Variants in DCC observed in about 807,000 individuals in gnomAD.
DCC encodes netrin receptor DCC.
In DCC, 58 loss-of-function variants were observed where a neutral mutation model predicts 172.5. The observed-to-expected ratio is 0.34, with a 90% CI of 0.27 to 0.42. The LOEUF (loss-of-function observed/expected upper bound fraction) is 0.42. Ranked by LOEUF, DCC falls within the 10% of genes least tolerant of loss-of-function variation. DCC has a pLI of 1.00. For missense variants in DCC, 1,740 were observed against 1,791.0 expected (o/e 0.97, Z 0.51); for synonymous variants, 709 against 644.5 (o/e 1.10, Z -1.52).
intron 1 of DCC, among the ~76,000 whole-genome samples, chr18:52,592,962 T>A (rs1183513721): frequency 6.6e-6 from 1 of 152,128 alleles, no homozygotes; most frequent in Non-Finnish European, 1.5e-5. Flanking sequence ...TAAAGGTCAA[T>A]TTTACTTCCA....
At chr18:52,703,019 A>G (rs555019079) in intron 1 of DCC, among the ~76,000 whole-genome samples, 15 of 152,332 alleles carry the variant, frequency 9.8e-5, no homozygotes, top group African/African-American at 3.6e-4. Flanking sequence ...AACTCCAAAC[A>G]TAGACACTTC....
chr18:52,855,301 G>A (rs1461668019), intron 2 of DCC, among the ~76,000 whole-genome samples: 2 of 152,184 alleles, frequency 1.3e-5, no homozygotes, highest in African/African-American at 2.4e-5. Flanking sequence ...ATCTGAATGC[G>A]GAGTAAGACT....
At chr18:52,872,997 C>A (rs899098897) in intron 2 of DCC, among the ~76,000 whole-genome samples, 1 of 152,122 alleles carries the variant, frequency 6.6e-6, no homozygotes, top group Non-Finnish European at 1.5e-5. Context: ...TAAATTATCC[C>A]AGATAAACTG....
At chr18:52,563,144 A>G (rs1271814434) in intron 1 of DCC, among the ~76,000 whole-genome samples, 7 of 152,148 alleles carry the variant, frequency 4.6e-5, no homozygotes, top group Non-Finnish European at 5.9e-5. Context: ...GTGTCTACAC[A>G]ATGGGAAAAG....
At chr18:53,212,000 A>C (rs993230793) in intron 11 of DCC, among the ~76,000 whole-genome samples, 1 of 152,150 alleles carries the variant, frequency 6.6e-6, no homozygotes, top group African/African-American at 2.4e-5. Flanking sequence ...GTGAGCCTAG[A>C]TCACACCACT....
chr18:52,680,040 A>G (rs936086401), intron 1 of DCC, among the ~76,000 whole-genome samples: 1 of 152,154 alleles, frequency 6.6e-6, no homozygotes, highest in African/African-American at 2.4e-5. Context: ...ATTAAAATAC[A>G]TGTATTATGT....
chr18:52,928,573 A>G (rs2040254976), intron 5 of DCC, among the ~76,000 whole-genome samples: 1 of 152,216 alleles, frequency 6.6e-6, no homozygotes, highest in African/African-American at 2.4e-5. Context: ...ATATGTGTAT[A>G]TATGTACATA....
chr18:52,482,565 T>C (rs2030010723), intron 1 of DCC, among the ~76,000 whole-genome samples: 1 of 152,120 alleles, frequency 6.6e-6, no homozygotes, highest in South Asian at 2.1e-4. Flanking sequence ...CCTCACATGG[T>C]AGAAAGGGAG....
At chr18:52,957,769 G>A (rs185081041) in intron 5 of DCC, among the ~76,000 whole-genome samples, 12 of 152,198 alleles carry the variant, frequency 7.9e-5, no homozygotes, top group Admixed American at 3.3e-4. Context: ...CTCCATGTGC[G>A]AAGAACTCAA....
At chr18:53,518,931 T>C (rs1038684793) in intron 27 of DCC, among the ~76,000 whole-genome samples, 5 of 152,300 alleles carry the variant, frequency 3.3e-5, no homozygotes, top group African/African-American at 9.6e-5. Context: ...TAATTGTTGG[T>C]ATAGCTTTTC....
At chr18:53,449,164 G>A (rs1366929403) in intron 22 of DCC, among the ~76,000 whole-genome samples, 1 of 152,106 alleles carries the variant, frequency 6.6e-6, no homozygotes, top group East Asian at 1.9e-4. Context: ...TTTAGGTATA[G>A]GAAAACATAC....
intron 21 of DCC, among the ~76,000 whole-genome samples, chr18:53,434,407 GTGGTGAAACACCA>G (rs746709231): frequency 5.9e-5 from 9 of 152,194 alleles, no homozygotes; most frequent in Non-Finnish European, 1.2e-4. Flanking sequence ...AAGATTATCT[GTGGTGAAACACCA>G]TTAATTAAAT....
intron 1 of DCC, among the ~76,000 whole-genome samples, chr18:52,364,660 CTTAAA>C (rs1176798311): frequency 6.6e-6 from 1 of 152,148 alleles, no homozygotes; most frequent in African/African-American, 2.4e-5. Context: ...ATGCCTCTGC[CTTAAA>C]TTATTTTTGG....
intron 2 of DCC, among the ~76,000 whole-genome samples, chr18:52,776,885 C>T (rs1568096284): frequency 1.3e-5 from 2 of 152,082 alleles, no homozygotes; most frequent in African/African-American, 4.8e-5. Context: ...CACAAGGGCT[C>T]AGAAAGTGTC....
chr18:52,935,676 T>G (rs2040370960), intron 5 of DCC, among the ~76,000 whole-genome samples: 1 of 152,178 alleles, frequency 6.6e-6, no homozygotes. Flanking sequence ...GGTTAGTGGT[T>G]CATCTACCTC....
At position 53,215,570 on chromosome 18, in the gene DCC, C is replaced by T. The variant is rs1244338605; in HGVS notation, c.1884C>T (p.Asn628=). ...TAGTGCCAAGTGCCCCGCCTCAGAACGTCTCCCTGGAAGTGGTCAATTCAA... is the reference window on the plus strand; with the variant it reads ...TAGTGCCAAGTGCCCCGCCTCAGAATGTCTCCCTGGAAGTGGTCAATTCAA... The part of the protein sequence containing the change: ...LSDVPSAPPQ[N]VSLEVVNSRS... Residue 628 remains asparagine (N), a synonymous_variant, in exon 12 of 29, where the codon AAC becomes AAT. Coordinates refer to ENST00000442544, the MANE Select transcript of DCC (RefSeq NM_005215.4). The T allele has an allele frequency of 2.5e-6, 4 of 1,613,696 alleles. No homozygotes were observed. Among genetic ancestry groups the T allele is most frequent in the Admixed American group, 1.7e-5 (1 of 59,976 alleles).
intron 8 of DCC, among the ~76,000 whole-genome samples, chr18:53,172,635 A>G (rs956886214): frequency 2.0e-5 from 3 of 150,716 alleles, no homozygotes; most frequent in Non-Finnish European, 3.0e-5. Flanking sequence ...TTGATAGGCA[A>G]ATATGGCCTT....
intron 9 of DCC, among the ~76,000 whole-genome samples, chr18:53,187,720 T>C (rs1257176677): frequency 1.3e-5 from 2 of 152,216 alleles, no homozygotes; most frequent in Non-Finnish European, 2.9e-5. Context: ...GCTATTTTTC[T>C]TTAACTCCAA....
At chr18:53,279,890 T>C (rs1354978608) in intron 12 of DCC, among the ~76,000 whole-genome samples, 1 of 151,832 alleles carries the variant, frequency 6.6e-6, no homozygotes, top group Non-Finnish European at 1.5e-5. Context: ...AAACATTGAG[T>C]GCACATAGAC....
Sources: allele counts gnomAD v4.1 joint callset (sites outside exome capture counted in the v4.1 genomes callset), GRCh38; gene constraint gnomAD v4.1.1; transcripts MANE v1.5; gene names NCBI Gene and HGNC (gene_info 2026-07-23, HGNC 2026-07-21).